Variants in CEP112 observed in about 807,000 individuals in gnomAD.
CEP112 encodes centrosomal protein 112.
In CEP112, 127 loss-of-function variants were observed where a neutral mutation model predicts 153.0. The observed-to-expected ratio is 0.83, with a 90% CI of 0.72 to 0.96. The LOEUF is 0.96. CEP112 is among the 40% of genes least tolerant of loss of function. The pLI is 0.00. For synonymous variants in CEP112, 358 were observed against 374.4 expected (o/e 0.96, Z 0.51); for missense variants, 1,089 against 1,101.2 (o/e 0.99, Z 0.16).
chr17:65,923,013 A>G (rs891950879), intron 19 of CEP112, among the ~76,000 whole-genome samples: 3 of 152,210 alleles, frequency 2.0e-5, no homozygotes, highest in African/African-American at 7.2e-5. Context: ...AGTTGTGGAA[A>G]ACATCCTCCA....
intron 20 of CEP112, among the ~76,000 whole-genome samples, chr17:65,888,943 C>CT (rs1356802946): frequency 6.6e-6 from 1 of 152,096 alleles, no homozygotes; most frequent in Non-Finnish European, 1.5e-5. Context: ...AAACCTATTC[C>CT]TTTTTTCCTG....
intron 17 of CEP112, among the ~76,000 whole-genome samples, chr17:65,971,937 C>T (rs1380991435): frequency 2.6e-5 from 4 of 152,146 alleles, no homozygotes; most frequent in Non-Finnish European, 4.4e-5. Flanking sequence ...AACACATGCA[C>T]AATTACATTT....
chr17:66,050,413 A>T (rs1312700994), intron 12 of CEP112, among the ~76,000 whole-genome samples: 9 of 152,158 alleles, frequency 5.9e-5, no homozygotes, highest in Admixed American at 2.6e-4. Flanking sequence ...TTGCCATGGT[A>T]AAAACCTCAA....
intron 4 of CEP112, among the ~76,000 whole-genome samples, chr17:66,166,620 G>A (rs1435909463): frequency 6.6e-6 from 1 of 152,062 alleles, no homozygotes; most frequent in Non-Finnish European, 1.5e-5. Context: ...GTTACCAGCC[G>A]AGCACGGTGG....
At chr17:65,970,581 G>A (rs1479049518) in intron 17 of CEP112, among the ~76,000 whole-genome samples, 2 of 151,882 alleles carry the variant, frequency 1.3e-5, no homozygotes, top group Non-Finnish European at 2.9e-5. Context: ...TGCAAATTGC[G>A]TGCATTTTAT....
At chr17:66,074,153 A>G (rs1362838317) in intron 8 of CEP112, among the ~76,000 whole-genome samples, 2 of 152,140 alleles carry the variant, frequency 1.3e-5, no homozygotes, top group African/African-American at 4.8e-5. Flanking sequence ...AATTATAAAA[A>G]GGAAACAAAT....
chr17:65,636,112 C>G, intron 26 of CEP112, 138 bp from the exon 27 acceptor site: 1 of 797,966 alleles, frequency 1.3e-6, no homozygotes, highest in Non-Finnish European at 2.1e-6. Flanking sequence ...TTATGCTTAT[C>G]TATAAGGGAT....
At chr17:65,930,284 T>C (rs2144236390) in intron 18 of CEP112, among the ~76,000 whole-genome samples, 1 of 152,276 alleles carries the variant, frequency 6.6e-6, no homozygotes, top group East Asian at 1.9e-4. Context: ...TCACAATATA[T>C]TTGAAAAAAA....
intron 24 of CEP112, among the ~76,000 whole-genome samples, chr17:65,651,670 CTTCCTTCCTTCCTTCT>C (rs1157182656): frequency 1.4e-5 from 2 of 147,008 alleles, no homozygotes; most frequent in African/African-American, 2.5e-5. Context: ...TTTCTCCTTC[CTTCCTTCCTTCCTTCT>C]TTCCTTCCTT....
At chr17:65,992,138 TACAAAA>T (rs1265750797) in intron 17 of CEP112, among the ~76,000 whole-genome samples, 2 of 152,116 alleles carry the variant, frequency 1.3e-5, no homozygotes, top group Non-Finnish European at 2.9e-5. Flanking sequence ...CAAATAAAAG[TACAAAA>T]ACAGTCATTA....
Position 65,681,675 on chromosome 17 carries a change from A to ATTT in CEP112, c.2697+7451_2697+7453dup, listed in dbSNP as rs5821583. ...ATTCTGTGAATTTTTCCTTTTTTTA[A>ATTT]TTTTTTTTTTTTTTTTGAGACAGGA... On this transcript the variant is annotated intron_variant, in intron 24 of 26. Transcript: ENST00000535342. Among the ~76,000 whole-genome samples the ATTT allele has an allele frequency of 2.3e-3, 302 of 133,490 alleles. 3 individuals carry two copies. The highest frequency in any genetic ancestry group is 9.9e-3 in the East Asian group (46 of 4,660). 87.6% of individuals were successfully genotyped at this position (133,490 alleles called of 152,430 possible).
At chr17:65,692,759 G>A (rs2048172471) in intron 23 of CEP112, among the ~76,000 whole-genome samples, 1 of 152,044 alleles carries the variant, frequency 6.6e-6, no homozygotes, top group Non-Finnish European at 1.5e-5. Context: ...TGTCTGGGTG[G>A]CATGCAACTG....
chr17:66,108,719 A>G (rs2068889519), intron 6 of CEP112, among the ~76,000 whole-genome samples: 1 of 152,200 alleles, frequency 6.6e-6, no homozygotes, highest in South Asian at 2.1e-4. Flanking sequence ...TCCTCAAAAA[A>G]TTAAAAATAG....
At chr17:66,176,739 C>G (rs1236324605) in intron 3 of CEP112, 91 bp downstream of exon 3, 1 of 961,336 alleles carries the variant, frequency 1.0e-6, no homozygotes, top group Non-Finnish European at 1.5e-6. Flanking sequence ...GCACATACAA[C>G]CTAATAGTAT....
At chr17:65,816,403 C>G (rs1252005104) in intron 21 of CEP112, among the ~76,000 whole-genome samples, 1 of 151,886 alleles carries the variant, frequency 6.6e-6, no homozygotes, top group Non-Finnish European at 1.5e-5. Context: ...GCAGTATACA[C>G]TGCACCCAAT....
chr17:65,651,663 CTCCTTCCT>C (rs145259314), intron 24 of CEP112, among the ~76,000 whole-genome samples: 5 of 149,368 alleles, frequency 3.3e-5, no homozygotes, highest in South Asian at 2.1e-4. Context: ...CTCTTTCTTT[CTCCTTCCT>C]TCCTTCCTTC....
At chr17:65,916,250 A>AGTGTGTGTGTGTGTGTGTGTGTGT (rs3222034) in intron 19 of CEP112, among the ~76,000 whole-genome samples, 5 of 129,962 alleles carry the variant, frequency 3.8e-5, no homozygotes, top group East Asian at 4.7e-4. Context: ...TTTGAAAAAG[A>AGTGTGTGTGTGTGTGTGTGTGTGT]GTGTGTGTGT....
intron 21 of CEP112, among the ~76,000 whole-genome samples, chr17:65,832,192 G>A (rs1285497626): frequency 6.6e-6 from 1 of 152,160 alleles, no homozygotes; most frequent in Non-Finnish European, 1.5e-5. Context: ...AGCTAAGGCA[G>A]TGTTAAGGGG....
At chr17:66,139,110 T>C (rs2070571721) in intron 4 of CEP112, among the ~76,000 whole-genome samples, 1 of 151,380 alleles carries the variant, frequency 6.6e-6, no homozygotes, top group Non-Finnish European at 1.5e-5. Context: ...CAGAAGGAAG[T>C]AAATATTAAT....
Sources: gnomAD v4.1 joint callset for allele counts (sites outside exome capture counted in the v4.1 genomes callset) on GRCh38, gnomAD v4.1.1 for gene constraint, MANE v1.5 for transcripts, NCBI Gene and HGNC (gene_info 2026-07-23, HGNC 2026-07-21) for gene names.